PDIA3: variants seen among roughly 807,000 people sequenced by gnomAD.
PDIA3 encodes the protein protein disulfide-isomerase A3.
PDIA3 carries 16 observed loss-of-function variants against 56.9 expected under a neutral mutation model. That is an observed-to-expected ratio of 0.28 (90% CI 0.19 to 0.43). The LOEUF is 0.43. PDIA3 is among the 20% of genes least tolerant of loss of function. PDIA3 has a pLI of 1.00. For missense variants in PDIA3, 485 were observed against 621.3 expected, an observed-to-expected ratio of 0.78 and a Z score of 2.33; for synonymous variants, 192 against 216.5, an observed-to-expected ratio of 0.89 and a Z score of 0.99.
intron 2 of PDIA3, among the ~76,000 whole-genome samples, chr15:43,755,344 C>G (rs750967954): frequency 6.6e-6 from 1 of 151,906 alleles, no homozygotes; most frequent in East Asian, 1.9e-4. Context: ...TAATAATAAT[C>G]TACAAGTAAA....
intron 3 of PDIA3, among the ~76,000 whole-genome samples, chr15:43,757,354 C>G (rs915369165): frequency 3.3e-5 from 5 of 150,896 alleles, no homozygotes; most frequent in African/African-American, 4.9e-5. Context: ...GTCAGGAGAT[C>G]GAGACCATCC....
intron 3 of PDIA3, among the ~76,000 whole-genome samples, chr15:43,759,268 CG>C (rs1260028909): frequency 6.6e-6 from 1 of 151,698 alleles, no homozygotes; most frequent in Admixed American, 6.6e-5. Flanking sequence ...CTGGCCTGGG[CG>C]AAAGAGTGAG....
At chr15:43,757,016 T>G (rs2086782544) in intron 3 of PDIA3, among the ~76,000 whole-genome samples, 1 of 152,250 alleles carries the variant, frequency 6.6e-6, no homozygotes, top group Admixed American at 6.5e-5. Flanking sequence ...ATTGAGTAAT[T>G]ACTGTGTGCC....
intron 11 of PDIA3, 95 bp from the exon 12 acceptor site, chr15:43,770,428 G>T (rs999676180): frequency 3.2e-5 from 43 of 1,359,146 alleles, no homozygotes; most frequent in Non-Finnish European, 4.0e-5. Context: ...TTCATATTCA[G>T]TTGAAGGCAG....
chr15:43,748,143 A>G (rs1292059764), intron 1 of PDIA3, among the ~76,000 whole-genome samples: 1 of 152,126 alleles, frequency 6.6e-6, no homozygotes, highest in Non-Finnish European at 1.5e-5. Flanking sequence ...TAAAGTAGGA[A>G]TTGTTGGAGA....
chr15:43,766,104 T>C, intron 7 of PDIA3, 92 bp downstream of exon 7: 1 of 949,990 alleles, frequency 1.1e-6, no homozygotes, highest in Non-Finnish European at 1.5e-6. Context: ...TAAGAATCTG[T>C]AAAACAATAA....
At position 43,763,191 on chromosome 15, in the gene PDIA3, A is replaced by G; in HGVS notation, c.587A>G (p.Tyr196Cys). 1 of 1,614,028 alleles carries G rather than the reference A, an allele frequency of 6.2e-7. No individual in the cohort carries two copies. The highest frequency in any genetic ancestry group is 8.5e-7 in the Non-Finnish European group (1 of 1,179,886). Residue 196 changes from tyrosine to cysteine, a missense_variant, in exon 5 of 13, where the codon TAT (tyrosine) becomes TGT (cysteine). Physicochemically the swap from Tyr to Cys is radical, Grantham distance 194. Coordinates refer to ENST00000300289, the MANE Select transcript of PDIA3 (RefSeq NM_005313.5). ...HTNVESLVNE[Y>C]DDNGEGIILF... Reference sequence around the variant, plus strand: ...AATGTTGAGTCTCTGGTGAACGAGTATGATGATAATGGAGAGTAAGTGACT... The same window carrying G: ...AATGTTGAGTCTCTGGTGAACGAGTGTGATGATAATGGAGAGTAAGTGACT...
At chr15:43,768,038 C>G (rs7175032) in intron 8 of PDIA3, among the ~76,000 whole-genome samples, 1 of 151,964 alleles carries the variant, frequency 6.6e-6, no homozygotes, top group Non-Finnish European at 1.5e-5. Flanking sequence ...CTCATCCCTA[C>G]AGAATGTATT....
At chr15:43,765,683 A>T in intron 6 of PDIA3, 117 bp downstream of exon 6, 1 of 863,642 alleles carries the variant, frequency 1.2e-6, no homozygotes, top group Non-Finnish European at 1.9e-6. Flanking sequence ...GGATTGTAAT[A>T]GTAATAGTTT....
intron 1 of PDIA3, among the ~76,000 whole-genome samples, chr15:43,751,308 C>T (rs1377142975): frequency 6.6e-6 from 1 of 151,882 alleles, no homozygotes; most frequent in Non-Finnish European, 1.5e-5. Flanking sequence ...CCCTGCCAGA[C>T]TGGTGTTCCT....
chr15:43,764,211 G>A (rs2086834423), intron 5 of PDIA3, among the ~76,000 whole-genome samples: 1 of 152,134 alleles, frequency 6.6e-6, no homozygotes, highest in Non-Finnish European at 1.5e-5. Flanking sequence ...AACCTCCCAC[G>A]TAAATGGGTT....
chr15:43,773,088 C>T lies in PDIA3; in HGVS notation c.*1870C>T, dbSNP rs759638487. On this transcript the variant is annotated 3_prime_UTR_variant, in exon 13 of 13. Transcript: ENST00000300289. The stretch of plus-strand genomic sequence containing the variant: ...CTTTGTTCCTTTGTGTTTCACTAAG[C>T]AGAGGCTCAAAAATTCCCTTGATAA... 1.7e-5 allele frequency: 26 copies of T among 1,569,154 alleles called. No individual in the cohort carries two copies. The highest frequency in any genetic ancestry group is 2.2e-5 in the Non-Finnish European group (25 of 1,159,570).
At chr15:43,765,417 T>C in intron 5 of PDIA3, 33 bp from the exon 6 acceptor site, 2 of 1,189,986 alleles carry the variant, frequency 1.7e-6, no homozygotes. Flanking sequence ...TTCTGCTATC[T>C]GCCTACTGAG....
intron 8 of PDIA3, among the ~76,000 whole-genome samples, chr15:43,767,794 A>C (rs2086857301): frequency 6.8e-6 from 1 of 146,992 alleles, no homozygotes; most frequent in African/African-American, 2.5e-5. Flanking sequence ...AAAAAAAGAA[A>C]GAAATAGATA....
At chr15:43,748,337 G>T (rs1371811794) in intron 1 of PDIA3, among the ~76,000 whole-genome samples, 5 of 152,074 alleles carry the variant, frequency 3.3e-5, no homozygotes, top group Non-Finnish European at 7.4e-5. Flanking sequence ...AATTAGCCGG[G>T]CATAGTGGCA....
In PDIA3 at chr15:43,761,558, A is replaced by G. The variant is rs748068214; in HGVS notation, c.472+27A>G. 27 of 1,191,804 alleles carry G rather than the reference A, an allele frequency of 2.3e-5. No homozygotes were observed. In the South Asian group the frequency reaches 3.2e-4, roughly 14 times the overall value. The allele number at this position is 1,191,804 out of a possible 1,614,324, so 73.8% of individuals were successfully genotyped here. A position where few individuals can be genotyped will look rare whatever the true frequency, so the allele number is the denominator to read the frequency against. On this transcript the variant is annotated intron_variant, in intron 4 of 12. Coordinates refer to ENST00000300289, the MANE Select transcript of PDIA3 (RefSeq NM_005313.5). ...TAAGTAGCAAATATTAAACCGTGCCACAGAATTGTCAGTTTGGTTTCCAAA... is the reference window on the plus strand; with the variant it reads ...TAAGTAGCAAATATTAAACCGTGCCGCAGAATTGTCAGTTTGGTTTCCAAA...
intron 5 of PDIA3, 104 bp from the exon 6 acceptor site, chr15:43,765,346 A>T: frequency 1.4e-6 from 1 of 736,770 alleles, no homozygotes; most frequent in Non-Finnish European, 2.4e-6. Context: ...ACACCATTGC[A>T]CTCCAGCCTG....
chr15:43,763,042 T>C (rs771597437), intron 4 of PDIA3, 35 bp from the exon 5 acceptor site: 80 of 1,604,936 alleles, frequency 5.0e-5, no homozygotes, highest in Non-Finnish European at 6.2e-5. Context: ...TCAGCACTTA[T>C]TGCTTCTTCC....
intron 5 of PDIA3, among the ~76,000 whole-genome samples, chr15:43,763,657 T>C (rs2086831194): frequency 6.6e-6 from 1 of 152,118 alleles, no homozygotes; most frequent in Non-Finnish European, 1.5e-5. Context: ...GGAACATCCC[T>C]CTATCTAGTA....
Sources: allele counts gnomAD v4.1 joint callset (sites outside exome capture counted in the v4.1 genomes callset), GRCh38; gene constraint gnomAD v4.1.1; transcripts MANE v1.5; gene names NCBI Gene and HGNC (gene_info 2026-07-23, HGNC 2026-07-21).